Variants in RORA observed in about 807,000 individuals in gnomAD.
The protein encoded by RORA is RAR related orphan receptor A.
In RORA, 7 loss-of-function variants were observed where a neutral mutation model predicts 69.5. The observed-to-expected ratio is 0.10, with a 90% CI of 0.06 to 0.19. The LOEUF is 0.19. RORA is among the 10% of genes least tolerant of loss of function. The pLI, the probability that RORA is intolerant of heterozygous loss-of-function variation, is 1.00. For missense variants in RORA, 457 were observed against 663.0 expected (o/e 0.69, Z 3.41); for synonymous variants, 261 against 240.8 (o/e 1.08, Z -0.78).
chr15:61,223,633 G>C (rs1202359392), intron 1 of RORA, among the ~76,000 whole-genome samples: 2 of 152,190 alleles, frequency 1.3e-5, no homozygotes. Context: ...TTCATACTCA[G>C]AACAGTGACC....
At chr15:61,134,067 T>G (rs903779654) in intron 1 of RORA, among the ~76,000 whole-genome samples, 2 of 152,188 alleles carry the variant, frequency 1.3e-5, no homozygotes, top group Non-Finnish European at 2.9e-5. Flanking sequence ...CAATTTACTA[T>G]GTGAACAGCC....
chr15:60,587,631 A>C (rs1227312560), intron 2 of RORA, among the ~76,000 whole-genome samples: 1 of 152,220 alleles, frequency 6.6e-6, no homozygotes. Flanking sequence ...CAAAATAAAT[A>C]TAGATTAGCA....
chr15:60,803,368 G>C (rs1051693270), intron 1 of RORA, among the ~76,000 whole-genome samples: 3 of 152,160 alleles, frequency 2.0e-5, no homozygotes, highest in African/African-American at 7.2e-5. Context: ...AAGAGAGCTG[G>C]GGCTTAACAG....
intron 2 of RORA, chr15:60,592,368 G>C (rs556541950): frequency 2.8e-6 from 4 of 1,410,776 alleles, no homozygotes; most frequent in East Asian, 3.2e-5. Context: ...CCCGGCCCCG[G>C]CGGGGCGCCC....
chr15:60,778,009 T>A (rs959193931), intron 1 of RORA, among the ~76,000 whole-genome samples: 2 of 152,242 alleles, frequency 1.3e-5, no homozygotes, highest in African/African-American at 4.8e-5. Context: ...ATAGTCAATA[T>A]GAGCTTCTAG....
Position 61,128,759 on chromosome 15 carries a change from A to G in RORA, c.166+100294T>C, listed in dbSNP as rs1430766861. 6.6e-6 allele frequency among the ~76,000 whole-genome samples: 1 copy of G among 152,220 alleles called. No homozygotes were observed. Among genetic ancestry groups the G allele is most frequent in the African/African-American group, 2.4e-5 (1 of 41,466 alleles). On this transcript the variant is annotated intron_variant, in intron 1 of 10. Coordinates refer to ENST00000335670, the MANE Select transcript of RORA (RefSeq NM_134261.3). The surrounding 1 kb of genome is among the most constrained non-coding windows in gnomAD (Gnocchi z 4.5). The stretch of plus-strand genomic sequence containing the variant: ...AGTAAAAGCAGATCACAAAGGATCT[A>G]GTGTCTCAGAACACAACCAAATATT...
At chr15:60,791,772 G>T (rs946036906) in intron 1 of RORA, among the ~76,000 whole-genome samples, 2 of 152,182 alleles carry the variant, frequency 1.3e-5, no homozygotes, top group Non-Finnish European at 2.9e-5. Flanking sequence ...TCGACCGCAG[G>T]AACAACAGAG....
rs555178737 is a variant in RORA at position 60,909,386 on chromosome 15, C to T, written c.167-230700G>A. ...TGTGTCAAAGCTCTGGATACTAGCT[C>T]TTTAGAACCTAGGTGGGCTAACGGG... On this transcript the variant is annotated intron_variant, in intron 1 of 10. Coordinates refer to ENST00000335670, the MANE Select transcript of RORA (RefSeq NM_134261.3). Among the ~76,000 whole-genome samples the T allele has an allele frequency of 3.5e-4, 53 of 152,316 alleles. No individual in the cohort carries two copies. The South Asian group carries it at 6.2e-3, about 18-fold the overall frequency.
At chr15:60,602,889 C>T (rs1186512645) in intron 2 of RORA, among the ~76,000 whole-genome samples, 1 of 152,094 alleles carries the variant, frequency 6.6e-6, no homozygotes, top group Non-Finnish European at 1.5e-5. Context: ...AGACACAGAA[C>T]AGTTCTATTC....
intron 1 of RORA, among the ~76,000 whole-genome samples, chr15:60,812,378 C>A (rs777535198): frequency 6.6e-6 from 1 of 151,958 alleles, no homozygotes; most frequent in African/African-American, 2.4e-5. Context: ...GGCACAGTGG[C>A]GTGTATCTGT....
At chr15:60,781,234 G>A (rs1595710303) in intron 1 of RORA, among the ~76,000 whole-genome samples, 1 of 152,182 alleles carries the variant, frequency 6.6e-6, no homozygotes, top group Admixed American at 6.5e-5. Flanking sequence ...TGCTCCAGGT[G>A]AGAACAAACT....
At chr15:61,196,531 C>T (rs551907607) in intron 1 of RORA, among the ~76,000 whole-genome samples, 55 of 152,360 alleles carry the variant, frequency 3.6e-4, no homozygotes, top group African/African-American at 1.3e-3. Context: ...ACAAGCAGCA[C>T]TTGCGTGATT....
intron 1 of RORA, among the ~76,000 whole-genome samples, chr15:60,930,577 T>C (rs1254689654): frequency 6.6e-6 from 1 of 152,336 alleles, no homozygotes; most frequent in East Asian, 1.9e-4. Flanking sequence ...ATGTGAACAC[T>C]TCCGGACACC....
At chr15:60,918,670 A>G (rs1891950353) in intron 1 of RORA, among the ~76,000 whole-genome samples, 1 of 152,178 alleles carries the variant, frequency 6.6e-6, no homozygotes, top group African/African-American at 2.4e-5. Flanking sequence ...AACCTTGGAG[A>G]TATCAGAAAT....
intron 1 of RORA, among the ~76,000 whole-genome samples, chr15:60,911,705 T>C (rs1430934649): frequency 3.3e-5 from 2 of 61,226 alleles, no homozygotes; most frequent in East Asian, 0.027. Flanking sequence ...GATTTTTGAT[T>C]TTTTTTTTTT....
At chr15:61,125,024 G>A (rs1183880808) in intron 1 of RORA, among the ~76,000 whole-genome samples, 1 of 152,088 alleles carries the variant, frequency 6.6e-6, no homozygotes, top group Non-Finnish European at 1.5e-5. Flanking sequence ...GAAAGGGAGG[G>A]GATCAATTGG....
At chr15:60,985,360 G>A (rs1320266708) in intron 1 of RORA, among the ~76,000 whole-genome samples, 1 of 150,902 alleles carries the variant, frequency 6.6e-6, no homozygotes, top group Non-Finnish European at 1.5e-5. Flanking sequence ...TTTTAAATTA[G>A]GTAGAAAAGC....
In RORA at chr15:60,988,567, T is replaced by C. The variant is rs73434279; in HGVS notation, c.166+240486A>G. Among the ~76,000 whole-genome samples, 752 of 152,298 alleles carry C rather than the reference T, an allele frequency of 4.9e-3. 2 individuals are homozygous for C. The highest frequency in any genetic ancestry group is 0.016 in the African/African-American group (672 of 41,570). ...ACTTGCCCCGCTGACAAACAGCCCA[T>C]TGACCATGGCAAATCCTCTACTGCT... On this transcript the variant is annotated intron_variant, in intron 1 of 10. Coordinates refer to ENST00000335670, the MANE Select transcript of RORA (RefSeq NM_134261.3).
chr15:61,228,364 G>A (rs1280425502), intron 1 of RORA, among the ~76,000 whole-genome samples: 1 of 149,504 alleles, frequency 6.7e-6, no homozygotes, highest in Non-Finnish European at 1.5e-5. Context: ...CGCCGCGCCC[G>A]CCAGACAACT....
Sources: gnomAD v4.1 joint callset for allele counts (sites outside exome capture counted in the v4.1 genomes callset) on GRCh38, gnomAD v4.1.1 for gene constraint, Gnocchi (gnomAD v3.1) non-coding constraint, MANE v1.5 for transcripts, NCBI Gene and HGNC (gene_info 2026-07-23, HGNC 2026-07-21) for gene names.